Variants in PARD3B observed in about 807,000 individuals in gnomAD.
The protein encoded by PARD3B is partitioning defective 3 homolog B.
In PARD3B, 103 loss-of-function variants were observed where a neutral mutation model predicts 130.2. The ratio of observed to expected loss-of-function variants is 0.79; its 90% CI spans 0.67 to 0.93. PARD3B has a LOEUF of 0.93. Ranked by LOEUF, PARD3B falls within the 40% of genes least tolerant of loss-of-function variation. The pLI, the probability that PARD3B is intolerant of heterozygous loss-of-function variation, is 0.00. For synonymous variants in PARD3B, 583 were observed against 553.2 expected (o/e 1.05, Z -0.76); for missense variants, 1,609 against 1,499.2 (o/e 1.07, Z -1.21).
intron 20 of PARD3B, among the ~76,000 whole-genome samples, chr2:205,498,978 G>A (rs2050051195): frequency 6.6e-6 from 1 of 152,148 alleles, no homozygotes; most frequent in African/African-American, 2.4e-5. Context: ...TTGCAGGTAA[G>A]GACTGTGAAG....
chr2:205,023,865 G>A (rs1696816392), intron 3 of PARD3B, among the ~76,000 whole-genome samples: 1 of 151,986 alleles, frequency 6.6e-6, no homozygotes, highest in Admixed American at 6.6e-5. Context: ...TCTTGACTCT[G>A]GTAGCATCTA....
At chr2:205,170,422 C>T (rs1338761084) in intron 11 of PARD3B, among the ~76,000 whole-genome samples, 4 of 152,160 alleles carry the variant, frequency 2.6e-5, no homozygotes, top group East Asian at 1.9e-4. Flanking sequence ...TCTGAGGAGG[C>T]GGTCCACTTA....
intron 15 of PARD3B, among the ~76,000 whole-genome samples, chr2:205,204,924 C>T (rs1270910694): frequency 6.6e-6 from 1 of 152,120 alleles, no homozygotes; most frequent in Non-Finnish European, 1.5e-5. Flanking sequence ...GCTGTCTTGG[C>T]TATATGGGCT....
intron 18 of PARD3B, among the ~76,000 whole-genome samples, chr2:205,358,836 C>A (rs141932986): frequency 4.4e-4 from 67 of 152,220 alleles, no homozygotes; most frequent in African/African-American, 1.6e-3. Flanking sequence ...TTATCATTAT[C>A]AAAATTTTAT....
intron 2 of PARD3B, among the ~76,000 whole-genome samples, chr2:204,798,634 A>T (rs1487943847): frequency 6.6e-6 from 1 of 152,010 alleles, no homozygotes; most frequent in Non-Finnish European, 1.5e-5. Flanking sequence ...GGGAGAATCC[A>T]TCCTGCTTGA....
intron 2 of PARD3B, among the ~76,000 whole-genome samples, chr2:204,883,434 A>AAT (rs1282841007): frequency 1.2e-4 from 13 of 104,472 alleles, no homozygotes; most frequent in East Asian, 7.6e-4. Context: ...ATATATATAA[A>AAT]ATATATATAT....
At chr2:204,900,717 A>T (rs2125705135) in intron 2 of PARD3B, among the ~76,000 whole-genome samples, 1 of 152,188 alleles carries the variant, frequency 6.6e-6, no homozygotes, top group East Asian at 1.9e-4. Context: ...TGGCTTAGGT[A>T]TTTATTGTAG....
At chr2:204,568,737 T>C (rs2031822833) in intron 1 of PARD3B, among the ~76,000 whole-genome samples, 1 of 152,138 alleles carries the variant, frequency 6.6e-6, no homozygotes, top group Non-Finnish European at 1.5e-5. Flanking sequence ...GATGGATCAC[T>C]TGGGGTCAGG....
At chr2:205,059,116 A>G (rs1408081863) in intron 4 of PARD3B, among the ~76,000 whole-genome samples, 1 of 152,024 alleles carries the variant, frequency 6.6e-6, no homozygotes, top group Non-Finnish European at 1.5e-5. Context: ...ACACGGTATT[A>G]GATAAGGGTC....
intron 1 of PARD3B, among the ~76,000 whole-genome samples, chr2:204,627,693 G>A (rs975239826): frequency 6.6e-6 from 1 of 151,992 alleles, no homozygotes; most frequent in Non-Finnish European, 1.5e-5. Context: ...TTGTTCGTAA[G>A]CATTATCTCC....
intron 20 of PARD3B, among the ~76,000 whole-genome samples, chr2:205,451,335 A>G (rs184666021): frequency 1.3e-4 from 19 of 151,684 alleles, no homozygotes; most frequent in African/African-American, 3.7e-4. Flanking sequence ...CAAAAAATGT[A>G]TTAAAAGATT....
At chr2:204,720,857 A>C (rs954989555) in intron 2 of PARD3B, among the ~76,000 whole-genome samples, 6 of 152,138 alleles carry the variant, frequency 3.9e-5, no homozygotes, top group Admixed American at 3.3e-4. Flanking sequence ...GGTGGAAACC[A>C]AGCATCTTGC....
At chr2:204,866,414 T>C (rs1222870127) in intron 2 of PARD3B, among the ~76,000 whole-genome samples, 1 of 152,152 alleles carries the variant, frequency 6.6e-6, no homozygotes, top group African/African-American at 2.4e-5. Flanking sequence ...CTGTCTTCTC[T>C]CCCGTTTCTT....
rs61099489 is a variant in PARD3B, at chr2:204,940,149, C to T, written c.223-25003C>T. Among the ~76,000 whole-genome samples the T allele has an allele frequency of 9.2e-3, 1,407 of 152,206 alleles. 16 individuals are homozygous for T. The highest frequency in any genetic ancestry group is 0.031 in the African/African-American group (1,277 of 41,512). ...ATACCATAGTGTCTTTAGAAGTTAACGTAGGAAGATTAATGCTCTTGGAGA... is the reference window on the plus strand; with the variant it reads ...ATACCATAGTGTCTTTAGAAGTTAATGTAGGAAGATTAATGCTCTTGGAGA... On this transcript the variant is annotated intron_variant, in intron 2 of 22. Transcript: ENST00000406610.
chr2:204,872,134 T>A (rs941902731), intron 2 of PARD3B, among the ~76,000 whole-genome samples: 1 of 152,136 alleles, frequency 6.6e-6, no homozygotes, highest in Non-Finnish European at 1.5e-5. Flanking sequence ...TATTTTTGTT[T>A]TGTTTTCCAA....
rs1028443440 is a variant in PARD3B, at chr2:205,120,700, T to C, written c.807-891T>C. ...TGGCTACTATCCTTCAGTGGAAAAATGGGCACAAGATGGCTGCTGAGTTTC... is the reference window on the plus strand; with the variant it reads ...TGGCTACTATCCTTCAGTGGAAAAACGGGCACAAGATGGCTGCTGAGTTTC... On this transcript the variant is annotated intron_variant, in intron 7 of 22. Coordinates refer to ENST00000406610, the MANE Select transcript of PARD3B (RefSeq NM_001302769.2). 2.6e-5 allele frequency among the ~76,000 whole-genome samples: 4 copies of C among 152,182 alleles called. No individual in the cohort carries two copies. The South Asian group carries it at 8.3e-4, about 31-fold the overall frequency.
rs10932119 is a variant in PARD3B at position 205,584,547 on chromosome 2, G to A, written c.3261-30909G>A. ...ACAAAAATTAGCCGGGTGTGGTGGC[G>A]GGTGCCTGTAATCCCAGCTACTCGG... On this transcript the variant is annotated intron_variant, in intron 22 of 22. Coordinates refer to ENST00000406610, the MANE Select transcript of PARD3B (RefSeq NM_001302769.2). The surrounding 1 kb of genome is among the most constrained non-coding windows in gnomAD (Gnocchi z 5.5). Among the ~76,000 whole-genome samples the A allele has an allele frequency of 0.13, 19,881 of 151,834 alleles. 1,389 individuals are homozygous for A. The highest frequency in any genetic ancestry group is 0.15 in the Non-Finnish European group (9,956 of 67,928).
intron 2 of PARD3B, among the ~76,000 whole-genome samples, chr2:204,701,411 C>T (rs2037886563): frequency 6.6e-6 from 1 of 152,074 alleles, no homozygotes; most frequent in Non-Finnish European, 1.5e-5. Flanking sequence ...TGGTTGCTTA[C>T]CTAGGTAGCT....
intron 2 of PARD3B, among the ~76,000 whole-genome samples, chr2:204,733,983 T>C (rs2039633391): frequency 6.6e-6 from 1 of 152,108 alleles, no homozygotes. Flanking sequence ...AAATGATAAA[T>C]TGTCAAGCCA....
Sources: gnomAD v4.1 joint callset for allele counts (sites outside exome capture counted in the v4.1 genomes callset) on GRCh38, gnomAD v4.1.1 for gene constraint, Gnocchi (gnomAD v3.1) non-coding constraint, MANE v1.5 for transcripts, NCBI Gene and HGNC (gene_info 2026-07-23, HGNC 2026-07-21) for gene names.